The following CNOT7 variants were observed in gnomAD, a reference collection of about 807,000 sequenced individuals.
The protein encoded by CNOT7 is BTG1-binding factor 1.
A neutral mutation model predicts 37.1 loss-of-function variants in CNOT7; 4 were observed. That is an observed-to-expected ratio of 0.11 (90% confidence interval 0.05 to 0.25). CNOT7 has a LOEUF of 0.25. Ranked by LOEUF, CNOT7 falls within the 10% of genes least tolerant of loss-of-function variation. The pLI is 1.00. For synonymous variants in CNOT7, 128 were observed against 115.6 expected (o/e 1.11, Z -0.69); for missense variants, 170 against 336.2 (o/e 0.51, Z 3.87).
At chr8:17,232,558 C>T (rs759515397) in intron 5 of CNOT7, 21 bp from the exon 6 acceptor site, 4 of 1,600,730 alleles carry the variant, frequency 2.5e-6, no homozygotes, top group South Asian at 1.1e-5. Flanking sequence ...TAAAAAATTG[C>T]TTGTCAAGAA....
rs1808484471 is a variant in CNOT7, at chr8:17,230,545, TTTA to T, written c.*172_*174del. 2.4e-6 allele frequency: 1 copy of T among 415,274 alleles called. No individual in the cohort carries two copies. The highest frequency in any genetic ancestry group is 4.2e-6 in the Non-Finnish European group (1 of 239,104). 25.7% of individuals were successfully genotyped at this position (415,274 alleles called of 1,614,324 possible). The stretch of plus-strand genomic sequence containing the variant: ...ACCTGAATGCGTTTTTTTTTTTCTT[TTTA>T]TTAAGATCTGAGATAGGAACGGTCA... On this transcript the variant is annotated 3_prime_UTR_variant, in exon 7 of 7. Transcript: ENST00000361272.
At chr8:17,238,254 T>C (rs1014341375) in intron 3 of CNOT7, among the ~76,000 whole-genome samples, 2 of 152,238 alleles carry the variant, frequency 1.3e-5, no homozygotes, top group Non-Finnish European at 1.5e-5. Context: ...GTAAGAATAC[T>C]GGTTTCTACC....
chr8:17,228,372 C>CTT lies in CNOT7; in HGVS notation c.*2346_*2347dup, dbSNP rs1447412595. The CTT allele has an allele frequency of 6.6e-6, 1 of 151,884 alleles. No individual in the cohort carries two copies. The highest frequency in any genetic ancestry group is 1.5e-5 in the Non-Finnish European group (1 of 67,824). The allele number at this position is 151,884 out of a possible 1,614,324, so 9.4% of individuals were successfully genotyped here. Reference sequence around the variant, plus strand: ...TCTGGAACAAAATAAAAAAGTAAAACTTAGACCCAGTAAAAGTCAAAATGT... The same window carrying CTT: ...TCTGGAACAAAATAAAAAAGTAAAACTTTTAGACCCAGTAAAAGTCAAAATGT... On this transcript the variant is annotated 3_prime_UTR_variant, in exon 7 of 7. Coordinates refer to ENST00000361272, the MANE Select transcript of CNOT7 (RefSeq NM_013354.7).
rs769967825 is a variant in CNOT7, at chr8:17,237,294, T to C, written c.391A>G (p.Ile131Val). Residue 131 changes from isoleucine (I) to valine (V), a missense_variant, in exon 4 of 7, where the codon ATT becomes GTT. Physicochemically the swap from Ile to Val is conservative, Grantham distance 29. Around this residue, in one of 6 missense-constraint regions of CNOT7, gnomAD observed 68 missense variants for 151.1 expected, o/e 0.45. Transcript: ENST00000361272. ...AGTTCTGCAAAGTACTGGGTTTCAA[T>C]TCCTTCCTCCTCATGTTTTTTAAAC... ...IQFKKHEEEG[I>V]ETQYFAELLM... is the part of the protein sequence containing the mutation. 4 of 1,614,048 alleles carry C rather than the reference T, an allele frequency of 2.5e-6. No homozygotes were observed. The highest frequency in any genetic ancestry group is 1.7e-5 in the Admixed American group (1 of 60,030).
At chr8:17,242,759 A>G (rs7003111) in intron 3 of CNOT7, 5,349 of 343,204 alleles carry the variant, frequency 0.016, 293 homozygotes, top group African/African-American at 0.1. Flanking sequence ...CCAGTCTTCC[A>G]AATACAAAAA....
intron 5 of CNOT7, 36 bp downstream of exon 5, chr8:17,234,680 G>C (rs775504955): frequency 1.9e-6 from 3 of 1,610,182 alleles, no homozygotes; most frequent in Non-Finnish European, 2.5e-6. Flanking sequence ...GGTCTGAACA[G>C]TGTGCTGCTG....
At chr8:17,234,530 G>T in intron 5 of CNOT7, 186 bp downstream of exon 5, 1 of 598,986 alleles carries the variant, frequency 1.7e-6, no homozygotes, top group Non-Finnish European at 2.9e-6. Flanking sequence ...ACATACTGAA[G>T]CTCTGAAAAA....
At position 17,246,839 on chromosome 8, in the gene CNOT7, G is replaced by A; in HGVS notation, c.-260C>T. The A allele has an allele frequency of 3.4e-6, 1 of 297,330 alleles. No individual in the cohort carries two copies. Among genetic ancestry groups the A allele is most frequent in the South Asian group, 2.8e-5 (1 of 36,222 alleles). 18.4% of individuals were successfully genotyped at this position (297,330 alleles called of 1,614,324 possible). A position where few individuals can be genotyped will look rare whatever the true frequency, so the allele number is the denominator to read the frequency against. ...AGCAGGAGCTGCGCCGCACCGTGCT[G>A]CGCCGTCGCTTTTCGCACGTCCTGA... On this transcript the variant is annotated 5_prime_UTR_variant, in exon 1 of 7. Transcript: ENST00000361272.
Position 17,225,319 on chromosome 8 carries a change from AAAGC to A in CNOT7, c.*5397_*5400del, listed in dbSNP as rs1808084764. The A allele has an allele frequency of 6.6e-6, 1 of 151,720 alleles. No individual in the cohort carries two copies. The highest frequency in any genetic ancestry group is 2.1e-4 in the South Asian group (1 of 4,832). The allele number at this position is 151,720 out of a possible 1,614,324, so 9.4% of individuals were successfully genotyped here. On this transcript the variant is annotated 3_prime_UTR_variant, in exon 7 of 7. Transcript: ENST00000361272. ...AGTGAATTTCCCCTCCTATGACAAT[AAAGC>A]AAGAGGGCAGATTATATTCATGAAT...
At chr8:17,244,992 C>T (rs1189196250) in intron 2 of CNOT7, 44 bp downstream of exon 2, 3 of 1,440,408 alleles carry the variant, frequency 2.1e-6, no homozygotes, top group Non-Finnish European at 9.6e-7. Flanking sequence ...ATTTCCTTTT[C>T]CTCCTTTATA....
chr8:17,233,756 C>G (rs1479450374), intron 5 of CNOT7, among the ~76,000 whole-genome samples: 1 of 152,192 alleles, frequency 6.6e-6, no homozygotes, highest in Non-Finnish European at 1.5e-5. Flanking sequence ...ATAAAATAAT[C>G]TTTCTTGAAA....
At chr8:17,236,423 C>G (rs2959604) in intron 4 of CNOT7, among the ~76,000 whole-genome samples, 141,343 of 152,264 alleles carry the variant, frequency 0.93, 65,989 homozygotes, top group Non-Finnish European at 0.98. Context: ...TTTTTCATAC[C>G]TGGAAGTCTA....
chr8:17,234,348 G>C (rs904481991), intron 5 of CNOT7, among the ~76,000 whole-genome samples: 2 of 152,174 alleles, frequency 1.3e-5, no homozygotes, highest in Non-Finnish European at 2.9e-5. Context: ...ATTCCACCTT[G>C]TAAGAACAGA....
chr8:17,237,078 G>T, intron 4 of CNOT7, 134 bp downstream of exon 4: 1 of 804,960 alleles, frequency 1.2e-6, no homozygotes, highest in Non-Finnish European at 2.0e-6. Flanking sequence ...CCTCCTAAGA[G>T]TTAGGAGACA....
chr8:17,234,450 C>A, intron 5 of CNOT7: 1 of 402,894 alleles, frequency 2.5e-6, no homozygotes, highest in South Asian at 2.4e-5. Context: ...TTGTGATTTT[C>A]AATCTGGCAA....
In CNOT7 at chr8:17,230,677, G is replaced by A; in HGVS notation, c.*43C>T. On this transcript the variant is annotated 3_prime_UTR_variant, in exon 7 of 7. Coordinates refer to ENST00000361272, the MANE Select transcript of CNOT7 (RefSeq NM_013354.7). ...AACCAGAGATAAAACCTATATACAA[G>A]CATGTGTGTAGCTCGAAATAAAAAT... 1.3e-6 allele frequency: 2 copies of A among 1,552,520 alleles called. No individual in the cohort carries two copies. Among genetic ancestry groups the A allele is most frequent in the Non-Finnish European group, 1.7e-6 (2 of 1,148,272 alleles).
Position 17,232,523 on chromosome 8 carries a change from C to T in CNOT7, c.633G>A (p.Glu211=), listed in dbSNP as rs1240482114. 2 of 1,613,646 alleles carry T rather than the reference C, an allele frequency of 1.2e-6. No individual in the cohort carries two copies. Among genetic ancestry groups the T allele is most frequent in the Non-Finnish European group, 1.7e-6 (2 of 1,179,896 alleles). ...SCKNLKGGLQ[E]VAEQLELERI... ...GTTCCAGCTCTAACTGTTCTGCCAC[C>T]TCCTGTAATCCACCCTAGAAAAAAT... The change falls in exon 6 of 7, where the codon GAG becomes GAA. Residue 211 remains glutamate, a synonymous_variant. Transcript: ENST00000361272.
intron 3 of CNOT7, 119 bp from the exon 4 acceptor site, chr8:17,237,492 C>T (rs965087296): frequency 1.2e-6 from 1 of 837,730 alleles, no homozygotes; most frequent in Non-Finnish European, 1.9e-6. Flanking sequence ...CTTGAGTCCA[C>T]CTGTTTCAAT....
intron 3 of CNOT7, among the ~76,000 whole-genome samples, chr8:17,240,560 G>C (rs976837996): frequency 6.6e-6 from 1 of 152,152 alleles, no homozygotes; most frequent in South Asian, 2.1e-4. Context: ...TAAGAAAGCA[G>C]TTGTTACTCG....
Sources: allele counts gnomAD v4.1 joint callset (sites outside exome capture counted in the v4.1 genomes callset), GRCh38; gene constraint gnomAD v4.1.1; regional missense constraint gnomAD v4.1.1; transcripts MANE v1.5; gene names NCBI Gene and HGNC (gene_info 2026-07-23, HGNC 2026-07-21).